The following MNAT1 variants were observed in gnomAD, a reference collection of about 807,000 sequenced individuals.
MNAT1 encodes CDK-activating kinase assembly factor MAT1.
Under a neutral mutation model 42.0 loss-of-function variants are expected in MNAT1, and 43 were observed. The ratio of observed to expected loss-of-function variants is 1.02; its 90% CI spans 0.80 to 1.32. MNAT1 has a LOEUF of 1.32. Among genes scored for constraint, MNAT1 ranks in the 40% most tolerant of loss-of-function variants. MNAT1 has a pLI of 0.00. For missense variants in MNAT1, 306 were observed against 350.4 expected, an observed-to-expected ratio of 0.87 and a Z score of 1.01; for synonymous variants, 118 against 120.0, an observed-to-expected ratio of 0.98 and a Z score of 0.11.
chr14:60,907,751 C>G (rs1366380638), intron 7 of MNAT1, among the ~76,000 whole-genome samples: 1 of 126,318 alleles, frequency 7.9e-6, no homozygotes, highest in Non-Finnish European at 1.6e-5. Context: ...CATTGCACTC[C>G]AGCCTGGACA....
At chr14:60,770,137 G>C (rs935902093) in intron 1 of MNAT1, among the ~76,000 whole-genome samples, 1 of 151,866 alleles carries the variant, frequency 6.6e-6, no homozygotes, top group Non-Finnish European at 1.5e-5. Context: ...TTAACTTTCT[G>C]TTTCTGTGAT....
chr14:60,898,961 A>G (rs980399680), intron 7 of MNAT1, among the ~76,000 whole-genome samples: 6 of 152,136 alleles, frequency 3.9e-5, no homozygotes, highest in African/African-American at 1.4e-4. Context: ...GTCCAGTTAC[A>G]TTATTCTGCA....
chr14:60,767,700 A>T (rs1204190040), intron 1 of MNAT1, among the ~76,000 whole-genome samples: 2 of 152,144 alleles, frequency 1.3e-5, no homozygotes, highest in Non-Finnish European at 2.9e-5. Flanking sequence ...TGCTAGGTTC[A>T]AGTGATTCTT....
chr14:60,813,292 A>C (rs2032612658), intron 5 of MNAT1, among the ~76,000 whole-genome samples: 2 of 152,144 alleles, frequency 1.3e-5, no homozygotes, highest in Non-Finnish European at 2.9e-5. Context: ...TGGTGCTTGG[A>C]GCAGCTGGCT....
intron 1 of MNAT1, among the ~76,000 whole-genome samples, chr14:60,750,882 G>T (rs1360233975): frequency 1.3e-5 from 2 of 152,146 alleles, no homozygotes; most frequent in East Asian, 1.9e-4. Context: ...CCACTGAAGA[G>T]AAATTATCTA....
intron 1 of MNAT1, among the ~76,000 whole-genome samples, chr14:60,757,307 T>G (rs1235937279): frequency 6.6e-6 from 1 of 152,128 alleles, no homozygotes; most frequent in Non-Finnish European, 1.5e-5. Context: ...CAAGTTATAT[T>G]AATATATAGA....
At chr14:60,766,271 C>T (rs764362124) in intron 1 of MNAT1, among the ~76,000 whole-genome samples, 5 of 150,862 alleles carry the variant, frequency 3.3e-5, no homozygotes, top group African/African-American at 9.8e-5. Context: ...TGCTTGAACC[C>T]GGGAGGCGGA....
At chr14:60,768,566 A>G (rs536971091) in intron 1 of MNAT1, among the ~76,000 whole-genome samples, 1 of 152,302 alleles carries the variant, frequency 6.6e-6, no homozygotes, top group African/African-American at 2.4e-5. Context: ...GATGAGAATA[A>G]CCTGGGAGGG....
intron 7 of MNAT1, among the ~76,000 whole-genome samples, chr14:60,950,287 TG>T (rs2036356451): frequency 6.6e-6 from 1 of 152,214 alleles, no homozygotes; most frequent in Non-Finnish European, 1.5e-5. Context: ...AGTATAAAAT[TG>T]GTTAACACAC....
At chr14:60,786,520 A>T (rs1181714396) in intron 1 of MNAT1, among the ~76,000 whole-genome samples, 1 of 152,164 alleles carries the variant, frequency 6.6e-6, no homozygotes, top group Non-Finnish European at 1.5e-5. Context: ...TATGAAAGTT[A>T]TATCTGTTAA....
chr14:60,831,548 G>A (rs956654677), intron 6 of MNAT1, among the ~76,000 whole-genome samples: 2 of 152,092 alleles, frequency 1.3e-5, no homozygotes, highest in South Asian at 2.1e-4. Context: ...TGGTGTATAC[G>A]TGCCACATTT....
intron 6 of MNAT1, among the ~76,000 whole-genome samples, chr14:60,822,296 C>T (rs577818390): frequency 6.6e-6 from 1 of 152,272 alleles, no homozygotes; most frequent in South Asian, 2.1e-4. Flanking sequence ...TTGAAGATCA[C>T]TGATTAATAA....
chr14:60,965,348 G>C (rs1170389567), intron 7 of MNAT1, among the ~76,000 whole-genome samples: 1 of 152,160 alleles, frequency 6.6e-6, no homozygotes, highest in African/African-American at 2.4e-5. Context: ...GCATCAAGGA[G>C]TATGACTGTT....
intron 6 of MNAT1, among the ~76,000 whole-genome samples, chr14:60,823,634 G>A (rs1016147152): frequency 1.2e-4 from 18 of 152,082 alleles, no homozygotes; most frequent in Admixed American, 3.9e-4. Context: ...TGAGGTGGGC[G>A]GATCACCTGA....
intron 6 of MNAT1, among the ~76,000 whole-genome samples, chr14:60,833,514 C>G (rs2033285000): frequency 1.3e-5 from 2 of 152,218 alleles, no homozygotes; most frequent in South Asian, 4.1e-4. Context: ...AACCTTGCAT[C>G]CCAGGGATGA....
intron 7 of MNAT1, among the ~76,000 whole-genome samples, chr14:60,887,990 T>G (rs1249451741): frequency 9.3e-5 from 14 of 150,030 alleles, no homozygotes; most frequent in Non-Finnish European, 4.4e-5. Flanking sequence ...CAGGACCAGA[T>G]GGATTCACAG....
At chr14:60,861,292 A>G (rs2034088837) in intron 6 of MNAT1, among the ~76,000 whole-genome samples, 1 of 152,176 alleles carries the variant, frequency 6.6e-6, no homozygotes, top group South Asian at 2.1e-4. Context: ...AAACTCATGA[A>G]CATTTACATG....
intron 1 of MNAT1, among the ~76,000 whole-genome samples, chr14:60,771,533 T>A (rs141764381): frequency 6.6e-6 from 1 of 152,326 alleles, no homozygotes; most frequent in Non-Finnish European, 1.5e-5. Flanking sequence ...CTGCCACTTC[T>A]GTATTCTAAA....
At chr14:60,743,296 T>C (rs556769795) in intron 1 of MNAT1, among the ~76,000 whole-genome samples, 31 of 87,870 alleles carry the variant, frequency 3.5e-4, no homozygotes, top group Admixed American at 7.4e-4. Context: ...TTAGCATTTC[T>C]TTTTTTTTTT....
Sources: allele counts gnomAD v4.1 joint callset (sites outside exome capture counted in the v4.1 genomes callset), GRCh38; gene constraint gnomAD v4.1.1; transcripts MANE v1.5; gene names NCBI Gene and HGNC (gene_info 2026-07-23, HGNC 2026-07-21).